The following SPTBN4 variants were observed in gnomAD, a reference collection of about 807,000 sequenced individuals.
SPTBN4 encodes spectrin beta, non-erythrocytic 4, also known as spectrin beta chain, non-erythrocytic 4.
A neutral mutation model predicts 277.8 loss-of-function variants in SPTBN4; 96 were observed. That is an observed-to-expected ratio of 0.35 (90% CI 0.29 to 0.41). SPTBN4 has a LOEUF of 0.41. Ranked by LOEUF, SPTBN4 falls within the 10% of genes least tolerant of loss-of-function variation. SPTBN4 has a pLI of 1.00. For missense variants in SPTBN4, 3,006 were observed against 3,595.7 expected (o/e 0.84, Z 4.19); for synonymous variants, 1,481 against 1,580.3 (o/e 0.94, Z 1.49).
chr19:40,542,797 C>T (rs1410662231), intron 20 of SPTBN4, among the ~76,000 whole-genome samples: 1 of 147,000 alleles, frequency 6.8e-6, no homozygotes, highest in Non-Finnish European at 1.5e-5. Flanking sequence ...TCTTTCTTTC[C>T]TTTTTTTTTT....
intron 2 of SPTBN4, among the ~76,000 whole-genome samples, chr19:40,477,481 C>T (rs1194558118): frequency 6.6e-6 from 1 of 152,064 alleles, no homozygotes; most frequent in Non-Finnish European, 1.5e-5. Context: ...AGAGAGAGAT[C>T]CGGTTAGACA....
At chr19:40,525,740 G>A (rs977104399) in intron 17 of SPTBN4, among the ~76,000 whole-genome samples, 3 of 152,150 alleles carry the variant, frequency 2.0e-5, no homozygotes, top group Non-Finnish European at 4.4e-5. Flanking sequence ...CACAGAGCTC[G>A]AACGTTATCT....
Position 40,568,287 on chromosome 19 carries a change from G to A in SPTBN4, c.6956+5G>A. 1 of 1,597,730 alleles carries A rather than the reference G, an allele frequency of 6.3e-7. No individual in the cohort carries two copies. The highest frequency in any genetic ancestry group is 1.1e-5 in the South Asian group (1 of 88,746). ...CAGAGGAGACCTGGTCAAGGGGTGA[G>A]GTGCCCGCCTTATGACCAGAAAGTG... On this transcript the variant is annotated splice_donor_5th_base_variant and intron_variant, in intron 31 of 35. Transcript: ENST00000598249.
At position 40,502,274 on chromosome 19, in the gene SPTBN4, C is replaced by T. The variant is rs1330547248; in HGVS notation, c.1044C>T (p.Leu348=). 1 of 1,613,646 alleles carries T rather than the reference C, an allele frequency of 6.2e-7. No homozygotes were observed. Among genetic ancestry groups the T allele is most frequent in the Non-Finnish European group, 8.5e-7 (1 of 1,180,036 alleles). ...CCTTAAGTGGGGTGCAGCAGCAACT[C>T]CAGGCTTTCACGGCCTATTGCACGC... The part of the protein sequence containing the change: ...ANSLSGVQQQ[L]QAFTAYCTLE... Residue 348 remains leucine, a synonymous_variant, in exon 9 of 36, where the codon CTC becomes CTT. Transcript: ENST00000598249. The surrounding 1 kb of genome is among the most constrained non-coding windows in gnomAD (Gnocchi z 4.9).
At chr19:40,491,713 CAAAAAAAAAAAAAA>C (rs35237688) in intron 4 of SPTBN4, among the ~76,000 whole-genome samples, 1 of 38,818 alleles carries the variant, frequency 2.6e-5, no homozygotes, top group Admixed American at 3.3e-4. Context: ...GACTCTGTCT[CAAAAAAAAAAAAAA>C]AAAAAAAAAA....
chr19:40,524,826 CTT>C (rs1490196224), intron 17 of SPTBN4, among the ~76,000 whole-genome samples: 1 of 152,242 alleles, frequency 6.6e-6, no homozygotes, highest in East Asian at 1.9e-4. Context: ...CCACCACTCT[CTT>C]GTCTGTCCTT....
At chr19:40,569,822 C>T (rs1030386880) in intron 32 of SPTBN4, 96 bp downstream of exon 32, 4 of 1,189,852 alleles carry the variant, frequency 3.4e-6, no homozygotes, top group African/African-American at 3.1e-5. Context: ...CCTGGCAGGA[C>T]CCATTCCCTA....
intron 30 of SPTBN4, chr19:40,567,013 TG>T: frequency 3.5e-6 from 1 of 287,688 alleles, no homozygotes; most frequent in Non-Finnish European, 7.4e-6. Flanking sequence ...AAAGGCTGGG[TG>T]GGGTGGCTCA....
At position 40,567,679 on chromosome 19, in the gene SPTBN4, C is replaced by T. The variant is rs750008903; in HGVS notation, c.6353C>T (p.Ala2118Val). 5.9e-6 allele frequency: 9 copies of T among 1,532,862 alleles called. No individual in the cohort carries two copies. The highest frequency in any genetic ancestry group is 1.7e-4 in the Middle Eastern group (1 of 5,876). The allele number at this position is 1,532,862 out of a possible 1,614,324, so 95.0% of individuals were successfully genotyped here. The part of the protein sequence containing the change: ...RRLTTIEKIK[A>V]EQSKQPPTPL... ...CATCCTCAGATCGAGAAAATCAAAGCGGAACAGAGCAAGCAGCCGCCTACC... is the reference window on the plus strand; with the variant it reads ...CATCCTCAGATCGAGAAAATCAAAGTGGAACAGAGCAAGCAGCCGCCTACC... The change falls in exon 31 of 36, where the codon GCG becomes GTG. Residue 2118 changes from alanine to valine, a missense_variant. This residue lies in a region of SPTBN4 where 630 missense variants were observed against 677.6 expected (regional missense o/e 0.93). Coordinates refer to ENST00000598249, the MANE Select transcript of SPTBN4 (RefSeq NM_020971.3).
chr19:40,550,370 A>G (rs781020312), intron 22 of SPTBN4, 43 bp downstream of exon 22: 18 of 1,579,778 alleles, frequency 1.1e-5, no homozygotes, highest in Admixed American at 1.7e-5. Context: ...ACATTTGGAT[A>G]CATGTGATAG....
chr19:40,532,278 G>C (rs1417308972), intron 18 of SPTBN4, among the ~76,000 whole-genome samples: 1 of 70,148 alleles, frequency 1.4e-5, no homozygotes, highest in Non-Finnish European at 3.4e-5. Flanking sequence ...TTGGGTTGGA[G>C]AGCTTGTTTT....
intron 1 of SPTBN4, among the ~76,000 whole-genome samples, chr19:40,471,536 G>A (rs2079883914): frequency 6.6e-6 from 1 of 152,158 alleles, no homozygotes; most frequent in Non-Finnish European, 1.5e-5. Context: ...TAAGCCATGT[G>A]TTTTATCACA....
chr19:40,505,696 AAGGG>A (rs1170565267), intron 12 of SPTBN4, among the ~76,000 whole-genome samples: 6 of 132,800 alleles, frequency 4.5e-5, no homozygotes, highest in Non-Finnish European at 8.0e-5. Context: ...AAAAGAATGA[AAGGG>A]AGGAAGGAAG....
intron 18 of SPTBN4, 84 bp from the exon 19 acceptor site, chr19:40,532,541 C>T (rs977327852): frequency 6.2e-5 from 94 of 1,520,978 alleles, no homozygotes; most frequent in Middle Eastern, 1.9e-4. Context: ...CAGCCCAGGC[C>T]CTGAACCTGG....
chr19:40,570,149 T>C (rs2081140212), intron 32 of SPTBN4, among the ~76,000 whole-genome samples: 1 of 151,434 alleles, frequency 6.6e-6, no homozygotes, highest in African/African-American at 2.4e-5. Context: ...CCCAGGTTTC[T>C]CCTGCAGACA....
At chr19:40,495,284 G>C (rs1209201440) in intron 6 of SPTBN4, among the ~76,000 whole-genome samples, 2 of 152,040 alleles carry the variant, frequency 1.3e-5, no homozygotes, top group Non-Finnish European at 2.9e-5. Context: ...CTGCCCGCAG[G>C]GTAGGAAGCT....
intron 17 of SPTBN4, among the ~76,000 whole-genome samples, chr19:40,527,687 C>T (rs1164449817): frequency 6.6e-6 from 1 of 152,062 alleles, no homozygotes; most frequent in African/African-American, 2.4e-5. Flanking sequence ...AGTACAGTTA[C>T]CACAGAGTGA....
intron 2 of SPTBN4, among the ~76,000 whole-genome samples, chr19:40,473,354 G>GTTTTTTTTTT (rs61584591): frequency 1.2e-4 from 12 of 99,102 alleles, no homozygotes; most frequent in East Asian, 2.9e-4. Flanking sequence ...CTGGCCTGGT[G>GTTTTTTTTTT]TTTTTTTTTT....
At chr19:40,570,043 G>C (rs1226504661) in intron 32 of SPTBN4, among the ~76,000 whole-genome samples, 4 of 143,208 alleles carry the variant, frequency 2.8e-5, no homozygotes, top group South Asian at 2.2e-4. Context: ...CACACACACA[G>C]ACTCTTCCCA....
Sources: gnomAD v4.1 joint callset for allele counts (sites outside exome capture counted in the v4.1 genomes callset) on GRCh38, gnomAD v4.1.1 for gene constraint, gnomAD v4.1.1 regional missense constraint, Gnocchi (gnomAD v3.1) non-coding constraint, MANE v1.5 for transcripts, NCBI Gene and HGNC (gene_info 2026-07-23, HGNC 2026-07-21) for gene names.